HUWE1: variants seen among roughly 807,000 people sequenced by gnomAD.
The protein encoded by HUWE1 is E3 ubiquitin-protein ligase HUWE1.
Under a neutral mutation model 299.4 loss-of-function variants are expected in HUWE1, and 18 were observed. The observed-to-expected ratio is 0.06, with a 90% CI of 0.04 to 0.09. The LOEUF is 0.09. HUWE1 is among the 10% of genes least tolerant of loss of function. HUWE1 has a pLI of 1.00. For synonymous variants in HUWE1, 1,317 were observed against 1,286.1 expected, an observed-to-expected ratio of 1.02 and a Z score of -0.51; for missense variants, 1,832 against 3,462.3, an observed-to-expected ratio of 0.53 and a Z score of 11.82.
intron 18 of HUWE1, 66 bp from the exon 19 acceptor site, chrX:53,624,741 T>C (rs782464010): frequency 1.7e-4 from 127 of 765,052 alleles, no homozygotes; most frequent in Non-Finnish European, 1.2e-4. Context: ...GTGGGGATAA[T>C]TGAGTGATAT....
chrX:53,630,751 G>T (rs1161813116), intron 12 of HUWE1, 184 bp downstream of exon 12: 1 of 397,624 alleles, frequency 2.5e-6, no homozygotes, highest in East Asian at 4.1e-5. Context: ...CCTCTTTCTC[G>T]TCCAACATTA....
intron 65 of HUWE1, 54 bp downstream of exon 65, chrX:53,550,847 T>C (rs2061740210): frequency 8.4e-7 from 1 of 1,197,148 alleles, no homozygotes; most frequent in Admixed American, 2.2e-5. Flanking sequence ...TAAGAAAACA[T>C]AGCCTCATCT....
At chrX:53,540,527 C>T (rs889275371) in intron 74 of HUWE1, among the ~76,000 whole-genome samples, 13 of 111,749 alleles carry the variant, frequency 1.2e-4, no homozygotes, top group Non-Finnish European at 2.4e-4. Context: ...CTTGGTTTCA[C>T]CATGTTGGTC....
chrX:53,675,276 G>T (rs1383938488), intron 3 of HUWE1, among the ~76,000 whole-genome samples: 1 of 111,354 alleles, frequency 9.0e-6, no homozygotes, highest in African/African-American at 3.3e-5. Flanking sequence ...CCATAAACTG[G>T]TATTGTAATG....
chrX:53,662,053 G>A (rs2069029970), intron 3 of HUWE1, among the ~76,000 whole-genome samples: 1 of 111,914 alleles, frequency 8.9e-6, no homozygotes, highest in Non-Finnish European at 1.9e-5. Flanking sequence ...AGAGCAGTTG[G>A]ATGTAGTGAA....
In HUWE1 at chrX:53,602,624, T is replaced by G. The variant is rs1556992115; in HGVS notation, c.2911A>C (p.Met971Leu). Residue 971 changes from methionine to leucine, a missense_variant, in exon 28 of 84, where the codon ATG (methionine) becomes CTG (leucine). Physicochemically the swap from Met to Leu is conservative, Grantham distance 15. Transcript: ENST00000262854. Reference sequence around the variant, plus strand: ...TCATCCTTTGGAACCAGTTTCTGCATATCTGCCTGGCCAAATTCACACCCA... The same window carrying G: ...TCATCCTTTGGAACCAGTTTCTGCAGATCTGCCTGGCCAAATTCACACCCA... Reference protein sequence around the residue: ...PSGCEFGQADMQKLVPKDEKA... With the variant: ...PSGCEFGQADLQKLVPKDEKA... The G allele has an allele frequency of 2.5e-6, 3 of 1,196,150 alleles. No individual in the cohort carries two copies. The South Asian group carries it at 5.3e-5, about 21-fold the overall frequency.
At chrX:53,643,753 A>G (rs1292044048) in intron 7 of HUWE1, among the ~76,000 whole-genome samples, 1 of 112,321 alleles carries the variant, frequency 8.9e-6, no homozygotes, top group Non-Finnish European at 1.9e-5. Context: ...ACTAGTTATA[A>G]TAATTTTACA....
chrX:53,565,095 T>C lies in HUWE1; in HGVS notation c.6852A>G (p.Gln2284=), dbSNP rs782557931. The C allele has an allele frequency of 1.5e-5, 18 of 1,210,073 alleles. No individual in the cohort carries two copies. In the East Asian group the frequency reaches 4.1e-4, roughly 28 times the overall value. ...GGTCCTGCTGGTTGCTACTGGAATC[T>C]TGAGAGGCTCCTTGGGCATCCTGCT... The part of the protein sequence containing the change: ...KSEQDAQGAS[Q]DSSSNQQDPG... Residue 2284 remains glutamine (Q), a synonymous_variant, in exon 50 of 84, where the codon CAA becomes CAG. Coordinates refer to ENST00000262854, the MANE Select transcript of HUWE1 (RefSeq NM_031407.7).
intron 3 of HUWE1, among the ~76,000 whole-genome samples, chrX:53,667,843 C>CTCT (rs1255154141): frequency 4.5e-5 from 5 of 111,577 alleles, no homozygotes; most frequent in Admixed American, 9.5e-5. Flanking sequence ...TCCCAGAAGA[C>CTCT]GGTCAACAGC....
rs2061546007 is a variant in HUWE1, at chrX:53,546,509, C to A, written c.10842G>T (p.Gly3614=). 2 of 1,207,012 alleles carry A rather than the reference C, an allele frequency of 1.7e-6. No homozygotes were observed. Among genetic ancestry groups the A allele is most frequent in the African/African-American group, 3.5e-5 (2 of 57,005 alleles). Residue 3614 remains glycine (G), a synonymous_variant, in exon 70 of 84, where the codon GGG becomes GGT. Transcript: ENST00000262854. ...VLLQLSRGDS[G]TRDTVLKLLL... The stretch of plus-strand genomic sequence containing the variant: ...GCAGCTTGAGAACAGTGTCCCGGGT[C>A]CCAGAGTCCCCCCGGGAGAGCTGCA...
At chrX:53,657,856 T>C (rs1208275714) in intron 3 of HUWE1, among the ~76,000 whole-genome samples, 1 of 108,909 alleles carries the variant, frequency 9.2e-6, no homozygotes, top group African/African-American at 3.3e-5. Flanking sequence ...GAGACCATCC[T>C]GGCTAACACG....
chrX:53,674,580 G>T (rs1203540163), intron 3 of HUWE1, among the ~76,000 whole-genome samples: 2 of 112,104 alleles, frequency 1.8e-5, no homozygotes, highest in Non-Finnish European at 3.8e-5. Flanking sequence ...TAACTTATTT[G>T]TATAGCATTT....
intron 61 of HUWE1, among the ~76,000 whole-genome samples, chrX:53,553,303 C>G (rs1484237123): frequency 1.8e-5 from 2 of 108,981 alleles, no homozygotes; most frequent in Non-Finnish European, 3.8e-5. Flanking sequence ...CTACCACGCC[C>G]GGCCAGTTTT....
At chrX:53,670,578 G>T (rs1262591173) in intron 3 of HUWE1, among the ~76,000 whole-genome samples, 2 of 111,789 alleles carry the variant, frequency 1.8e-5, no homozygotes, top group East Asian at 5.5e-4. Flanking sequence ...ACCCATAAAA[G>T]CAGCCTGTCT....
At chrX:53,647,122 T>C (rs782392827) in intron 6 of HUWE1, among the ~76,000 whole-genome samples, 125 of 112,011 alleles carry the variant, frequency 1.1e-3, no homozygotes, top group African/African-American at 3.6e-3. Flanking sequence ...AATACATATA[T>C]AACATTTCTC....
rs782217635 is a variant in HUWE1 at position 53,617,383 on chromosome X, T to C, written c.1736A>G (p.Asn579Ser). The change falls in exon 20 of 84, where the codon AAT (asparagine) becomes AGT (serine). Residue 579 changes from asparagine to serine, a missense_variant. By Grantham distance (46) the Asn-to-Ser change is conservative. This residue lies in a region of HUWE1 where 658 missense variants were observed against 1,282.6 expected (regional missense o/e 0.51). Transcript: ENST00000262854. ...ATGCAGCATGACATCTGTCAATCCA[T>C]TGTCCTGGAGTGAGGAGAGCAGTGA... ...EPSLLSSLQD[N>S]GLTDVMLHAL... The C allele has an allele frequency of 1.2e-5, 14 of 1,201,063 alleles. No homozygotes were observed. Among genetic ancestry groups the C allele is most frequent in the Non-Finnish European group, 1.5e-5 (13 of 887,190 alleles).
At position 53,554,872 on chromosome X, in the gene HUWE1, T is replaced by C; in HGVS notation, c.8255A>G (p.Asp2752Gly). 1 of 1,199,811 alleles carries C rather than the reference T, an allele frequency of 8.3e-7. No homozygotes were observed. The highest frequency in any genetic ancestry group is 1.1e-6 in the Non-Finnish European group (1 of 888,183). Reference sequence around the variant, plus strand: ...CTCCTTGGACTCAGATGTAGCTGCATCAGTTGAAGATGGGGTTGTTGGGTA... The same window carrying C: ...CTCCTTGGACTCAGATGTAGCTGCACCAGTTGAAGATGGGGTTGTTGGGTA... ...DSYPTTPSSTDAATSESKETL... is the reference protein window; with the variant it reads ...DSYPTTPSSTGAATSESKETL... Residue 2752 changes from aspartate to glycine, a missense_variant, in exon 61 of 84, where the codon GAT becomes GGT. This residue lies in a region of HUWE1 where 143 missense variants were observed against 148.1 expected (regional missense o/e 0.97). Transcript: ENST00000262854.
Position 53,669,419 on chromosome X carries a change from G to A in HUWE1, c.-25+10630C>T, listed in dbSNP as rs182596509. Among the ~76,000 whole-genome samples, 455 of 112,015 alleles carry A rather than the reference G, an allele frequency of 4.1e-3. 1 individual carries two copies. The highest frequency in any genetic ancestry group is 7.1e-3 in the Non-Finnish European group (379 of 53,147). ...GATGCTTGCTAGAAATGAAAGTGAA[G>A]TATGCAAAGGTACTCTAGTTCTCAG... On this transcript the variant is annotated intron_variant, in intron 3 of 83. Coordinates refer to ENST00000262854, the MANE Select transcript of HUWE1 (RefSeq NM_031407.7).
intron 67 of HUWE1, 51 bp from the exon 68 acceptor site, chrX:53,548,324 T>C: frequency 8.5e-7 from 1 of 1,174,920 alleles, no homozygotes; most frequent in Non-Finnish European, 1.1e-6. Flanking sequence ...TCACAGAGGA[T>C]GAGCCTTCCT....
Sources: allele counts gnomAD v4.1 joint callset (sites outside exome capture counted in the v4.1 genomes callset), GRCh38; gene constraint gnomAD v4.1.1; regional missense constraint gnomAD v4.1.1; transcripts MANE v1.5; gene names NCBI Gene and HGNC (gene_info 2026-07-23, HGNC 2026-07-21).